The following ALCAM variants were observed in gnomAD, a reference collection of about 807,000 sequenced individuals.
ALCAM encodes the protein CD166 antigen.
ALCAM carries 30 observed loss-of-function variants against 70.9 expected under a neutral mutation model. That is an observed-to-expected ratio of 0.42 (90% CI 0.32 to 0.57). The LOEUF is 0.57. Among genes scored for constraint, ALCAM ranks in the 20% least tolerant of loss-of-function variants. The pLI is 0.11. For synonymous variants in ALCAM, 249 were observed against 242.5 expected (o/e 1.03, Z -0.25); for missense variants, 591 against 695.1 (o/e 0.85, Z 1.68).
chr3:105,574,249 T>C (rs1429751303), intron 15 of ALCAM, among the ~76,000 whole-genome samples: 1 of 152,228 alleles, frequency 6.6e-6, no homozygotes, highest in Middle Eastern at 3.4e-3. Context: ...AAACTTGTAA[T>C]ATTAGTATTA....
At chr3:105,389,344 A>G (rs1935740330) in intron 1 of ALCAM, among the ~76,000 whole-genome samples, 1 of 136,536 alleles carries the variant, frequency 7.3e-6, no homozygotes. Context: ...AAAACCATAT[A>G]CCTACTTGTA....
At chr3:105,461,186 T>C (rs1274071487) in intron 1 of ALCAM, among the ~76,000 whole-genome samples, 1 of 151,860 alleles carries the variant, frequency 6.6e-6, no homozygotes, top group East Asian at 1.9e-4. Flanking sequence ...AAAGGGTCAG[T>C]AGCTATTAAG....
At chr3:105,554,734 A>G (rs1254872702) in intron 14 of ALCAM, among the ~76,000 whole-genome samples, 2 of 151,368 alleles carry the variant, frequency 1.3e-5, no homozygotes, top group African/African-American at 4.8e-5. Flanking sequence ...GGCAACATCC[A>G]TTTTATAGAA....
chr3:105,480,347 G>A (rs1468800323), intron 1 of ALCAM, among the ~76,000 whole-genome samples: 1 of 149,324 alleles, frequency 6.7e-6, no homozygotes, highest in African/African-American at 2.4e-5. Context: ...GCAAGATGTT[G>A]TCTCAATAAA....
At chr3:105,456,036 G>A (rs141573100) in intron 1 of ALCAM, among the ~76,000 whole-genome samples, 5 of 152,280 alleles carry the variant, frequency 3.3e-5, no homozygotes, top group African/African-American at 4.8e-5. Context: ...CCGAGATCGC[G>A]CCAATGGACT....
rs563720181 is a variant in ALCAM at position 105,448,883 on chromosome 3, T to C, written c.74-71184T>C. Reference sequence around the variant, plus strand: ...AGCTGCACAGCTGTGGCAACTGGATTCTGCCCGGGTGTCAACAATGGGGGC... The same window carrying C: ...AGCTGCACAGCTGTGGCAACTGGATCCTGCCCGGGTGTCAACAATGGGGGC... On this transcript the variant is annotated intron_variant, in intron 1 of 15. Transcript: ENST00000306107. 9.2e-5 allele frequency among the ~76,000 whole-genome samples: 14 copies of C among 152,308 alleles called. No individual in the cohort carries two copies. In the South Asian group the frequency reaches 2.5e-3, roughly 27 times the overall value.
intron 1 of ALCAM, among the ~76,000 whole-genome samples, chr3:105,482,372 A>G (rs1396101560): frequency 1.3e-5 from 2 of 152,142 alleles, no homozygotes; most frequent in African/African-American, 4.8e-5. Context: ...TTGGACTCCA[A>G]CTGCTGAGAT....
At chr3:105,425,861 A>G (rs1408096406) in intron 1 of ALCAM, among the ~76,000 whole-genome samples, 1 of 151,722 alleles carries the variant, frequency 6.6e-6, no homozygotes, top group Non-Finnish European at 1.5e-5. Context: ...AACTTGTGCA[A>G]TAATCTTTAC....
chr3:105,536,172 C>T (rs914949259), intron 6 of ALCAM, among the ~76,000 whole-genome samples: 1 of 151,322 alleles, frequency 6.6e-6, no homozygotes, highest in Non-Finnish European at 1.5e-5. Context: ...CAGCTTACTG[C>T]AACCTCCACC....
chr3:105,385,262 T>C (rs1487963862), intron 1 of ALCAM, among the ~76,000 whole-genome samples: 6 of 151,602 alleles, frequency 4.0e-5, no homozygotes, highest in African/African-American at 1.4e-4. Context: ...TAGGATTAGA[T>C]TGAAAAGCCA....
At chr3:105,450,025 T>A (rs1052056123) in intron 1 of ALCAM, among the ~76,000 whole-genome samples, 3 of 152,210 alleles carry the variant, frequency 2.0e-5, no homozygotes, top group African/African-American at 7.2e-5. Context: ...CATTCATATG[T>A]GTCTTTGAAT....
At chr3:105,419,987 G>A (rs764306275) in intron 1 of ALCAM, among the ~76,000 whole-genome samples, 1 of 151,554 alleles carries the variant, frequency 6.6e-6, no homozygotes, top group Non-Finnish European at 1.5e-5. Flanking sequence ...ATGGAAGACG[G>A]GTGAGTCAGA....
At chr3:105,416,435 G>T (rs1431110553) in intron 1 of ALCAM, among the ~76,000 whole-genome samples, 1 of 151,768 alleles carries the variant, frequency 6.6e-6, no homozygotes, top group Admixed American at 6.6e-5. Context: ...AAGAATAATT[G>T]CTTCAGAGCA....
At chr3:105,421,888 T>C (rs781444897) in intron 1 of ALCAM, among the ~76,000 whole-genome samples, 10 of 151,356 alleles carry the variant, frequency 6.6e-5, no homozygotes, top group Non-Finnish European at 1.5e-4. Context: ...TTCTTTTTTT[T>C]ACATGGGTGA....
chr3:105,372,947 G>A (rs1935275136), intron 1 of ALCAM, among the ~76,000 whole-genome samples: 1 of 152,054 alleles, frequency 6.6e-6, no homozygotes, highest in Non-Finnish European at 1.5e-5. Flanking sequence ...GGCAATTGCT[G>A]TAGTCTTCTG....
At chr3:105,565,946 C>CT in intron 14 of ALCAM, among the ~76,000 whole-genome samples, 1 of 152,242 alleles carries the variant, frequency 6.6e-6, no homozygotes. Flanking sequence ...CTCTTTTCTG[C>CT]TTGGGTCCTT....
At chr3:105,444,735 TAA>T (rs1937256865) in intron 1 of ALCAM, among the ~76,000 whole-genome samples, 1 of 152,218 alleles carries the variant, frequency 6.6e-6, no homozygotes, top group Non-Finnish European at 1.5e-5. Flanking sequence ...TGTAAAACTT[TAA>T]AGAGTATTCA....
At chr3:105,497,058 A>G (rs1220443280) in intron 1 of ALCAM, among the ~76,000 whole-genome samples, 1 of 152,196 alleles carries the variant, frequency 6.6e-6, no homozygotes, top group African/African-American at 2.4e-5. Flanking sequence ...TAATCAATGC[A>G]GAATAGAAAG....
intron 14 of ALCAM, among the ~76,000 whole-genome samples, chr3:105,569,864 C>T (rs1940826057): frequency 6.6e-6 from 1 of 152,048 alleles, no homozygotes; most frequent in South Asian, 2.1e-4. Context: ...ATTTTTTGAG[C>T]TAAAGAAAGG....
Sources: gnomAD v4.1 joint callset for allele counts (sites outside exome capture counted in the v4.1 genomes callset) on GRCh38, gnomAD v4.1.1 for gene constraint, MANE v1.5 for transcripts, NCBI Gene and HGNC (gene_info 2026-07-23, HGNC 2026-07-21) for gene names.